Variants in WDR27 observed in about 807,000 individuals in gnomAD.
WDR27 encodes WD repeat domain 27.
In WDR27, 100 loss-of-function variants were observed where a neutral mutation model predicts 114.4. The ratio of observed to expected loss-of-function variants is 0.87; its 90% CI spans 0.74 to 1.03. The LOEUF is 1.03. Ranked by LOEUF, WDR27 falls within the 50% of genes least tolerant of loss-of-function variation. The pLI is 0.00. For missense variants in WDR27, 1,129 were observed against 1,092.9 expected (o/e 1.03, Z -0.47); for synonymous variants, 449 against 423.1 (o/e 1.06, Z -0.75).
chr6:169,601,612 G>A (rs56841401), intron 23 of WDR27, among the ~76,000 whole-genome samples: 128 of 152,318 alleles, frequency 8.4e-4, no homozygotes, highest in Middle Eastern at 3.4e-3. Context: ...TGAGGTGAAC[G>A]CTGCAGCTGC....
intron 17 of WDR27, among the ~76,000 whole-genome samples, chr6:169,639,789 C>T (rs1384024826): frequency 2.6e-5 from 4 of 152,210 alleles, no homozygotes; most frequent in South Asian, 2.1e-4. Flanking sequence ...TGCCTCATAA[C>T]CCCTAGAACG....
At chr6:169,580,193 C>T (rs1584360972) in intron 24 of WDR27, among the ~76,000 whole-genome samples, 1 of 152,188 alleles carries the variant, frequency 6.6e-6, no homozygotes, top group East Asian at 1.9e-4. Flanking sequence ...TGCTTAGGAG[C>T]ATACTATCTT....
rs79866436 is a variant in WDR27 at position 169,660,712 on chromosome 6, G to C, written c.1080C>G (p.Phe360Leu). The C allele has an allele frequency of 1.9e-6, 3 of 1,613,608 alleles. No homozygotes were observed. ...CVWIGSSVGL[F>L]VFNLANLEVE... Reference sequence around the variant, plus strand: ...CTTCCAGGTTTGCCAGGTTAAATACGAATAAGCCCACTGAGCTTCCGATCC... The same window carrying C: ...CTTCCAGGTTTGCCAGGTTAAATACCAATAAGCCCACTGAGCTTCCGATCC... The change falls in exon 10 of 26, where the codon TTC becomes TTG. Residue 360 changes from phenylalanine (F) to leucine (L), a missense_variant. Physicochemically the swap from Phe to Leu is conservative, Grantham distance 22. Coordinates refer to ENST00000448612, the MANE Select transcript of WDR27 (RefSeq NM_182552.5).
At chr6:169,437,323 C>T in the WDR27 span, among the ~76,000 whole-genome samples, 1 of 152,076 alleles carries the variant, frequency 6.6e-6, no homozygotes, top group East Asian at 1.9e-4. Context: ...AAGTCTGGTA[C>T]TCTATGTTTG....
intron 14 of WDR27, among the ~76,000 whole-genome samples, chr6:169,651,329 G>C (rs1314886438): frequency 6.6e-6 from 1 of 152,032 alleles, no homozygotes; most frequent in African/African-American, 2.4e-5. Flanking sequence ...GCTATGTTAA[G>C]AGACATAAAA....
intron 25 of WDR27, among the ~76,000 whole-genome samples, chr6:169,551,737 CAA>C (rs1296878043): frequency 7.4e-4 from 45 of 60,704 alleles, no homozygotes; most frequent in African/African-American, 1.0e-3. Context: ...GACTCCATCT[CAA>C]AAAAAAAAAA....
intron 17 of WDR27, among the ~76,000 whole-genome samples, chr6:169,642,885 A>G (rs1584833432): frequency 6.6e-6 from 1 of 152,224 alleles, no homozygotes; most frequent in East Asian, 1.9e-4. Flanking sequence ...AATGCTTGGG[A>G]TTAGAGGTGT....
At chr6:169,438,858 T>C in the WDR27 span, among the ~76,000 whole-genome samples, 1 of 152,208 alleles carries the variant, frequency 6.6e-6, no homozygotes, top group Non-Finnish European at 1.5e-5. Context: ...TTAGAAAAAC[T>C]AGGTCATCTC....
At chr6:169,487,170 A>T (rs138805142) in intron 25 of WDR27, among the ~76,000 whole-genome samples, 28 of 152,282 alleles carry the variant, frequency 1.8e-4, no homozygotes, top group African/African-American at 6.7e-4. Context: ...TCCTCTTCGG[A>T]GGGTTCATGT....
At chr6:169,687,027 A>T (rs1375166063) in intron 2 of WDR27, among the ~76,000 whole-genome samples, 1 of 152,140 alleles carries the variant, frequency 6.6e-6, no homozygotes, top group Non-Finnish European at 1.5e-5. Flanking sequence ...GAGAAGGGAT[A>T]AAAAATACAG....
chr6:169,487,119 A>T (rs990756686), intron 25 of WDR27, among the ~76,000 whole-genome samples: 6 of 152,014 alleles, frequency 3.9e-5, no homozygotes, highest in African/African-American at 1.4e-4. Context: ...AGTCTCACCC[A>T]CCTCAGCTCC....
intron 25 of WDR27, among the ~76,000 whole-genome samples, chr6:169,480,735 T>C (rs1489131544): frequency 1.3e-5 from 2 of 152,268 alleles, no homozygotes; most frequent in African/African-American, 4.8e-5. Context: ...CAGTGCTCTG[T>C]GTCTAGCTAA....
chr6:169,586,611 C>T (rs1804621441), intron 23 of WDR27, among the ~76,000 whole-genome samples: 1 of 152,084 alleles, frequency 6.6e-6, no homozygotes, highest in Non-Finnish European at 1.5e-5. Context: ...GTAATCCCAG[C>T]ACTTTGGGAG....
intron 16 of WDR27, among the ~76,000 whole-genome samples, chr6:169,644,442 A>G (rs1309652339): frequency 5.3e-5 from 8 of 150,760 alleles, no homozygotes; most frequent in Non-Finnish European, 1.0e-4. Context: ...CACTGTAGAA[A>G]AGCCTAGTTC....
intron 5 of WDR27, 123 bp from the exon 6 acceptor site, chr6:169,667,310 C>T (rs975081792): frequency 3.2e-6 from 4 of 1,246,982 alleles, no homozygotes; most frequent in Non-Finnish European, 4.0e-6. Flanking sequence ...AAACAGAAAA[C>T]AATAAAATGA....
chr6:169,591,037 T>C (rs1305919322), intron 23 of WDR27, among the ~76,000 whole-genome samples: 1 of 152,162 alleles, frequency 6.6e-6, no homozygotes, highest in African/African-American at 2.4e-5. Flanking sequence ...GATTCTACTT[T>C]TTGCTCTTTG....
At chr6:169,628,013 C>T (rs1446549147) in intron 21 of WDR27, among the ~76,000 whole-genome samples, 2 of 152,128 alleles carry the variant, frequency 1.3e-5, no homozygotes, top group African/African-American at 2.4e-5. Context: ...GGTGACTCGG[C>T]GCCATGGTCT....
chr6:169,665,485 C>A lies in WDR27; in HGVS notation c.783+1G>T, dbSNP rs774522600. On this transcript the variant is annotated splice_donor_variant, in intron 7 of 25. Transcript: ENST00000448612. LOFTEE classifies it high-confidence loss of function. ...GGAACTTAACTCTGTGGCTGTCTCA[C>A]CTGGCCGTCAGCACACCCGGTGACC... 6.8e-6 allele frequency: 11 copies of A among 1,613,108 alleles called. No individual in the cohort carries two copies. Among genetic ancestry groups the A allele is most frequent in the African/African-American group, 1.3e-5 (1 of 74,994 alleles).
intron 25 of WDR27, among the ~76,000 whole-genome samples, chr6:169,480,138 GC>G (rs1787763240): frequency 6.6e-6 from 1 of 152,246 alleles, no homozygotes; most frequent in South Asian, 2.1e-4. Context: ...GGAGCAGCCA[GC>G]CGGTGCCACC....
Sources: allele counts gnomAD v4.1 joint callset (sites outside exome capture counted in the v4.1 genomes callset), GRCh38; gene constraint gnomAD v4.1.1; transcripts MANE v1.5; gene names NCBI Gene and HGNC (gene_info 2026-07-23, HGNC 2026-07-21).